GRK5: variants seen among roughly 807,000 people sequenced by gnomAD.
GRK5 encodes the protein g protein-coupled receptor kinase GRK5.
GRK5 carries 40 observed loss-of-function variants against 78.4 expected under a neutral mutation model. The ratio of observed to expected loss-of-function variants is 0.51; its 90% CI spans 0.40 to 0.66. The LOEUF (loss-of-function observed/expected upper bound fraction) is 0.66, where lower values mean the gene tolerates loss of function less well. Ranked by LOEUF, GRK5 falls within the 30% of genes least tolerant of loss-of-function variation. GRK5 has a pLI of 0.00. For synonymous variants in GRK5, 289 were observed against 296.8 expected, an observed-to-expected ratio of 0.97 and a Z score of 0.27; for missense variants, 598 against 759.9, an observed-to-expected ratio of 0.79 and a Z score of 2.50.
At chr10:119,401,127 G>A (rs559529978) in intron 4 of GRK5, among the ~76,000 whole-genome samples, 40 of 152,292 alleles carry the variant, frequency 2.6e-4, no homozygotes, top group East Asian at 1.9e-3. Context: ...CCATGGGCCC[G>A]TCAGCTCTCC....
At chr10:119,208,479 G>A (rs1589678479) in intron 1 of GRK5, 1 of 155,746 alleles carries the variant, frequency 6.4e-6, no homozygotes, top group East Asian at 1.9e-4. Flanking sequence ...CCGTCGTGTG[G>A]AAGGAAGCCT....
At chr10:119,376,468 G>A (rs1453514672) in intron 2 of GRK5, among the ~76,000 whole-genome samples, 1 of 151,796 alleles carries the variant, frequency 6.6e-6, no homozygotes, top group Admixed American at 6.6e-5. Context: ...TTTGTTGAGT[G>A]AATGAAGGAC....
intron 12 of GRK5, among the ~76,000 whole-genome samples, chr10:119,444,583 A>C (rs1473592308): frequency 6.6e-6 from 1 of 152,082 alleles, no homozygotes; most frequent in African/African-American, 2.4e-5. Context: ...TCCCCAGCAC[A>C]GCTGTGCTGG....
chr10:119,282,471 G>A (rs1290583295), intron 1 of GRK5, among the ~76,000 whole-genome samples: 1 of 152,148 alleles, frequency 6.6e-6, no homozygotes, highest in East Asian at 1.9e-4. Flanking sequence ...TTCCTTGTCT[G>A]TCTCCCTCAC....
At chr10:119,413,224 G>C (rs892562148) in intron 4 of GRK5, among the ~76,000 whole-genome samples, 18 of 151,876 alleles carry the variant, frequency 1.2e-4, no homozygotes, top group African/African-American at 4.4e-4. Context: ...GTTTCTTCCT[G>C]AGATGGCCAC....
intron 4 of GRK5, among the ~76,000 whole-genome samples, chr10:119,404,103 G>T (rs937360943): frequency 6.6e-6 from 1 of 152,206 alleles, no homozygotes; most frequent in Non-Finnish European, 1.5e-5. Flanking sequence ...CTGCTGGGCT[G>T]TTCTTCAAAG....
At chr10:119,442,203 A>T in intron 11 of GRK5, 115 bp downstream of exon 11, 1 of 818,862 alleles carries the variant, frequency 1.2e-6, no homozygotes, top group East Asian at 2.6e-5. Flanking sequence ...ACTGCTGATC[A>T]CACACAGAGT....
At chr10:119,295,896 A>G (rs910381881) in intron 1 of GRK5, among the ~76,000 whole-genome samples, 3 of 152,176 alleles carry the variant, frequency 2.0e-5, no homozygotes, top group Admixed American at 6.5e-5. Flanking sequence ...ATCACCACTA[A>G]AGAACTTACT....
In GRK5 at chr10:119,217,476, C is replaced by T. The variant is rs537709912; in HGVS notation, c.52+9507C>T. On this transcript the variant is annotated intron_variant, in intron 1 of 15. Transcript: ENST00000392870. The surrounding 1 kb of genome is among the most constrained non-coding windows in gnomAD (Gnocchi z 4.1). The stretch of plus-strand genomic sequence containing the variant: ...TATGTGGTATGATCGCCTGTGGAGG[C>T]CCATTACCTGTACTCTCTCGCTGCC... Among the ~76,000 whole-genome samples, 24 of 152,278 alleles carry T rather than the reference C, an allele frequency of 1.6e-4. No individual in the cohort carries two copies. The highest frequency in any genetic ancestry group is 5.3e-4 in the African/African-American group (22 of 41,564).
At chr10:119,251,121 T>C (rs1029790480) in intron 1 of GRK5, among the ~76,000 whole-genome samples, 6 of 152,058 alleles carry the variant, frequency 3.9e-5, no homozygotes, top group African/African-American at 1.4e-4. Flanking sequence ...TTTTCTCACG[T>C]TGACATTAAG....
intron 2 of GRK5, among the ~76,000 whole-genome samples, chr10:119,374,107 T>G (rs1851589282): frequency 6.6e-6 from 1 of 152,180 alleles, no homozygotes; most frequent in South Asian, 2.1e-4. Context: ...GAAACTGACC[T>G]CCAAGGTTGA....
At chr10:119,266,205 C>T (rs539386616) in intron 1 of GRK5, among the ~76,000 whole-genome samples, 5 of 152,334 alleles carry the variant, frequency 3.3e-5, no homozygotes, top group African/African-American at 1.2e-4. Context: ...CCTGTAATCG[C>T]AGCACTTTGG....
At position 119,373,643 on chromosome 10, in the gene GRK5, T is replaced by A. The variant is rs79023964; in HGVS notation, c.149-7172T>A. ...GCAGCATGAGAACAGACTAATATAG[T>A]AGGTCTGAAGTGGGGTGGGGGGAAT... is the stretch of plus-strand genomic sequence containing the variant. On this transcript the variant is annotated intron_variant, in intron 2 of 15. Transcript: ENST00000392870. Among the ~76,000 whole-genome samples, 446 of 152,094 alleles carry A rather than the reference T, an allele frequency of 2.9e-3. 3 individuals are homozygous for A. Among genetic ancestry groups the A allele is most frequent in the African/African-American group, 0.01 (428 of 41,476 alleles).
At chr10:119,362,080 T>C (rs1322458917) in intron 2 of GRK5, among the ~76,000 whole-genome samples, 1 of 151,936 alleles carries the variant, frequency 6.6e-6, no homozygotes, top group Non-Finnish European at 1.5e-5. Context: ...GAGGTGATGC[T>C]ACTACAAGAA....
intron 1 of GRK5, among the ~76,000 whole-genome samples, chr10:119,311,597 G>A (rs1010038561): frequency 3.9e-5 from 6 of 152,002 alleles, no homozygotes; most frequent in African/African-American, 1.5e-4. Flanking sequence ...GATCAGCCTG[G>A]CAACATGGCA....
chr10:119,330,540 C>T (rs1850757519), intron 2 of GRK5, among the ~76,000 whole-genome samples: 1 of 152,174 alleles, frequency 6.6e-6, no homozygotes, highest in Non-Finnish European at 1.5e-5. Context: ...ATGTGTGTTG[C>T]AGGGAGGATG....
At position 119,378,559 on chromosome 10, in the gene GRK5, G is replaced by A. The variant is rs78720684; in HGVS notation, c.149-2256G>A. 0.027 allele frequency among the ~76,000 whole-genome samples: 4,106 copies of A among 152,362 alleles called. 147 individuals are homozygous for A. The highest frequency in any genetic ancestry group is 0.14 in the East Asian group (731 of 5,180). Reference sequence around the variant, plus strand: ...CCTGGCCGCGGCTCTTTCCGTTCCAGGAGGCAGACAGCGGAGTGCTGAGGC... The same window carrying A: ...CCTGGCCGCGGCTCTTTCCGTTCCAAGAGGCAGACAGCGGAGTGCTGAGGC... On this transcript the variant is annotated intron_variant, in intron 2 of 15. Coordinates refer to ENST00000392870, the MANE Select transcript of GRK5 (RefSeq NM_005308.3). The surrounding 1 kb of genome is among the most constrained non-coding windows in gnomAD (Gnocchi z 4.5).
At chr10:119,395,652 A>G (rs1427718306) in intron 3 of GRK5, among the ~76,000 whole-genome samples, 4 of 152,186 alleles carry the variant, frequency 2.6e-5, no homozygotes, top group Non-Finnish European at 5.9e-5. Flanking sequence ...CCCTTTATCC[A>G]TGTGGCGAGT....
intron 2 of GRK5, among the ~76,000 whole-genome samples, chr10:119,377,559 C>T (rs748806491): frequency 1.3e-5 from 2 of 152,074 alleles, no homozygotes; most frequent in African/African-American, 2.4e-5. Flanking sequence ...AGGCTTCCAA[C>T]GAGTAGTTTT....
Sources: allele counts gnomAD v4.1 joint callset (sites outside exome capture counted in the v4.1 genomes callset), GRCh38; gene constraint gnomAD v4.1.1; non-coding constraint Gnocchi (gnomAD v3.1); transcripts MANE v1.5; gene names NCBI Gene and HGNC (gene_info 2026-07-23, HGNC 2026-07-21).